IL12RB2: variants seen among roughly 807,000 people sequenced by gnomAD.
IL12RB2 encodes the protein interleukin 12 receptor subunit beta 2.
In IL12RB2, 82 loss-of-function variants were observed where a neutral mutation model predicts 89.4. The observed-to-expected ratio is 0.92, with a 90% CI of 0.77 to 1.10. The LOEUF is 1.10. Ranked by LOEUF, IL12RB2 falls within the 50% of genes least tolerant of loss-of-function variation. The pLI, the probability that IL12RB2 is intolerant of heterozygous loss-of-function variation, is 0.00. For synonymous variants in IL12RB2, 368 were observed against 370.1 expected (o/e 0.99, Z 0.07); for missense variants, 963 against 1,031.9 (o/e 0.93, Z 0.92).
Position 67,338,615 on chromosome 1 carries a change from T to G in IL12RB2, c.959-9T>G, listed in dbSNP as rs1253843615. 2.2e-6 allele frequency: 3 copies of G among 1,384,566 alleles called. No individual in the cohort carries two copies. The highest frequency in any genetic ancestry group is 2.1e-6 in the Non-Finnish European group (2 of 970,158). The allele number at this position is 1,384,566 out of a possible 1,614,324, so 85.8% of individuals were successfully genotyped here. A position where few individuals can be genotyped will look rare whatever the true frequency, so the allele number is the denominator to read the frequency against. ...ATGAAAATATGTCTTTTTTTCTCCTTTGAAACAGAGCCTACTGGGATGTTA... is the reference window on the plus strand; with the variant it reads ...ATGAAAATATGTCTTTTTTTCTCCTGTGAAACAGAGCCTACTGGGATGTTA... On this transcript the variant is annotated splice_polypyrimidine_tract_variant and intron_variant, in intron 8 of 16. Transcript: ENST00000674203.
At chr1:67,332,704 T>C (rs1362874862) in intron 8 of IL12RB2, among the ~76,000 whole-genome samples, 2 of 152,224 alleles carry the variant, frequency 1.3e-5, no homozygotes, top group Non-Finnish European at 2.9e-5. Flanking sequence ...TGTTTATATA[T>C]GTGGTACAGA....
At chr1:67,369,174 T>C (rs748382204) in intron 11 of IL12RB2, among the ~76,000 whole-genome samples, 2 of 152,172 alleles carry the variant, frequency 1.3e-5, no homozygotes, top group Non-Finnish European at 2.9e-5. Flanking sequence ...TACCCTTAAA[T>C]AGAATGCTGC....
intron 10 of IL12RB2, among the ~76,000 whole-genome samples, chr1:67,358,603 T>TA (rs1176884958): frequency 1.3e-5 from 2 of 149,822 alleles, no homozygotes; most frequent in Non-Finnish European, 3.0e-5. Flanking sequence ...AAATTAAAAT[T>TA]AAAAAAATTA....
Position 67,396,295 on chromosome 1 carries a change from GC to G in IL12RB2, c.*208del. On this transcript the variant is annotated 3_prime_UTR_variant, in exon 17 of 17. Transcript: ENST00000674203. ...GATGCCTCATCTTGCCTTTCCCAGG[GC>G]CTTAAAATTACATCCTTCACTGTGT... The G allele has an allele frequency of 1.6e-6, 1 of 639,554 alleles. No homozygotes were observed. Among genetic ancestry groups the G allele is most frequent in the South Asian group, 1.8e-5 (1 of 56,992 alleles). 39.6% of individuals were successfully genotyped at this position (639,554 alleles called of 1,614,324 possible).
chr1:67,343,369 A>T (rs1569922197), intron 9 of IL12RB2, among the ~76,000 whole-genome samples: 1 of 152,234 alleles, frequency 6.6e-6, no homozygotes, highest in Non-Finnish European at 1.5e-5. Flanking sequence ...GGTGTGAGCT[A>T]CCACACCTGG....
chr1:67,335,713 T>C (rs1273492682), intron 8 of IL12RB2, among the ~76,000 whole-genome samples: 1 of 152,184 alleles, frequency 6.6e-6, no homozygotes, highest in African/African-American at 2.4e-5. Flanking sequence ...TTTTAGTGAC[T>C]CTGTGACAGT....
At chr1:67,361,985 T>A (rs1292851307) in intron 10 of IL12RB2, among the ~76,000 whole-genome samples, 1 of 152,178 alleles carries the variant, frequency 6.6e-6, no homozygotes, top group Non-Finnish European at 1.5e-5. Context: ...AAAGAAACCA[T>A]GCAGGCCTGG....
At chr1:67,314,412 T>C (rs1655490854) in intron 2 of IL12RB2, among the ~76,000 whole-genome samples, 1 of 152,232 alleles carries the variant, frequency 6.6e-6, no homozygotes, top group Admixed American at 6.5e-5. Flanking sequence ...CATGAATCCA[T>C]GACACCATGG....
intron 10 of IL12RB2, among the ~76,000 whole-genome samples, chr1:67,354,490 ATG>A (rs1661170975): frequency 6.6e-6 from 1 of 152,170 alleles, no homozygotes; most frequent in Admixed American, 6.5e-5. Flanking sequence ...AATGCTAAGA[ATG>A]AGGTTGATGC....
intron 4 of IL12RB2, among the ~76,000 whole-genome samples, chr1:67,324,548 G>A (rs1657033116): frequency 6.6e-6 from 1 of 151,840 alleles, no homozygotes; most frequent in Non-Finnish European, 1.5e-5. Context: ...TAGAGACAGG[G>A]TTTCACCATG....
chr1:67,318,766 C>CA (rs1656114425), intron 2 of IL12RB2, among the ~76,000 whole-genome samples: 1 of 151,884 alleles, frequency 6.6e-6, no homozygotes, highest in Admixed American at 6.6e-5. Flanking sequence ...GCCAAGGAGA[C>CA]AGATGGATGA....
chr1:67,395,510 A>C (rs759756688), intron 16 of IL12RB2, 37 bp from the exon 17 acceptor site: 2 of 1,614,012 alleles, frequency 1.2e-6, no homozygotes, highest in Non-Finnish European at 1.7e-6. Flanking sequence ...GGTCACTTCT[A>C]CAGCAGTGTG....
chr1:67,398,130 G>A lies in IL12RB2; in HGVS notation c.*2041G>A, dbSNP rs750721217. Among the ~76,000 whole-genome samples, 5 of 151,838 alleles carry A rather than the reference G, an allele frequency of 3.3e-5. No homozygotes were observed. Among genetic ancestry groups the A allele is most frequent in the Non-Finnish European group, 5.9e-5 (4 of 67,994 alleles). Reference sequence around the variant, plus strand: ...CCACTCTATTTAGCTATTATTGTGCGGCACCCCCAATGGTTCCTTTCCTCT... The same window carrying A: ...CCACTCTATTTAGCTATTATTGTGCAGCACCCCCAATGGTTCCTTTCCTCT... On this transcript the variant is annotated 3_prime_UTR_variant, in exon 17 of 17. Coordinates refer to ENST00000674203, the MANE Select transcript of IL12RB2 (RefSeq NM_001374259.2).
At chr1:67,383,959 C>T (rs1399678814) in intron 14 of IL12RB2, among the ~76,000 whole-genome samples, 1 of 152,260 alleles carries the variant, frequency 6.6e-6, no homozygotes, top group African/African-American at 2.4e-5. Context: ...GTACAGCCCC[C>T]TCCCAACTGC....
chr1:67,384,735 T>A (rs1664961084), intron 14 of IL12RB2, among the ~76,000 whole-genome samples: 1 of 152,204 alleles, frequency 6.6e-6, no homozygotes, highest in Non-Finnish European at 1.5e-5. Flanking sequence ...TCTCTCAAGT[T>A]CAAAGTTCCA....
intron 13 of IL12RB2, among the ~76,000 whole-genome samples, chr1:67,374,527 G>C (rs1021672370): frequency 5.3e-5 from 8 of 149,902 alleles, no homozygotes; most frequent in Non-Finnish European, 1.0e-4. Flanking sequence ...CTAGGCTGGA[G>C]TGCAATGGCA....
chr1:67,353,738 T>A (rs917818451), intron 10 of IL12RB2, among the ~76,000 whole-genome samples: 5 of 152,256 alleles, frequency 3.3e-5, no homozygotes, highest in African/African-American at 1.2e-4. Context: ...TAAAAATTTG[T>A]TCTTCAGTGG....
Position 67,395,610 on chromosome 1 carries a change from C to T in IL12RB2, c.2110C>T (p.Pro704Ser). 2 of 1,614,214 alleles carry T rather than the reference C, an allele frequency of 1.2e-6. No individual in the cohort carries two copies. Among genetic ancestry groups the T allele is most frequent in the South Asian group, 1.1e-5 (1 of 91,084 alleles). Residue 704 changes from proline to serine, a missense_variant, in exon 17 of 17, where the codon CCG becomes TCG. Coordinates refer to ENST00000674203, the MANE Select transcript of IL12RB2 (RefSeq NM_001374259.2). ...IDWPTPEDPE[P>S]LVISEVLHQV... ...CTGGCCCACGCCTGAAGATCCTGAA[C>T]CGCTGGTCATCAGTGAAGTCCTTCA...
intron 9 of IL12RB2, among the ~76,000 whole-genome samples, chr1:67,347,969 G>T (rs1660417728): frequency 1.3e-5 from 2 of 152,106 alleles, no homozygotes; most frequent in Non-Finnish European, 2.9e-5. Context: ...AATCAGAATG[G>T]AGAGTTACAA....
Sources: allele counts gnomAD v4.1 joint callset (sites outside exome capture counted in the v4.1 genomes callset), GRCh38; gene constraint gnomAD v4.1.1; transcripts MANE v1.5; gene names NCBI Gene and HGNC (gene_info 2026-07-23, HGNC 2026-07-21).